The following PRDM1 variants were observed in gnomAD, a reference collection of about 807,000 sequenced individuals.
PRDM1 encodes the protein PR domain zinc finger protein 1.
In PRDM1, 13 loss-of-function variants were observed where a neutral mutation model predicts 62.8. That is an observed-to-expected ratio of 0.21 (90% CI 0.13 to 0.33). The LOEUF is 0.33. PRDM1 is among the 10% of genes least tolerant of loss of function. PRDM1 has a pLI of 1.00. For missense variants in PRDM1, 895 were observed against 1,058.8 expected, an observed-to-expected ratio of 0.85 and a Z score of 2.15; for synonymous variants, 396 against 417.6, an observed-to-expected ratio of 0.95 and a Z score of 0.63.
intron 1 of PRDM1, among the ~76,000 whole-genome samples, chr6:106,029,301 A>T (rs75791562): frequency 1.3e-5 from 2 of 152,334 alleles, no homozygotes; most frequent in African/African-American, 2.4e-5. Flanking sequence ...ATTTATATGT[A>T]TGGTGATGTA....
chr6:106,007,490 G>C (rs967107755), intron 1 of PRDM1, among the ~76,000 whole-genome samples: 1 of 152,182 alleles, frequency 6.6e-6, no homozygotes, highest in African/African-American at 2.4e-5. Flanking sequence ...AATACTATTT[G>C]AGCAGACCAT....
rs567506949 is a variant in PRDM1 at position 106,027,661 on chromosome 6, A to C, written c.-67+34022A>C. Among the ~76,000 whole-genome samples the C allele has an allele frequency of 2.6e-5, 4 of 152,292 alleles. No individual in the cohort carries two copies. The East Asian group carries it at 7.7e-4, about 29-fold the overall frequency. On this transcript the variant is annotated intron_variant, in intron 1 of 6. Transcript: ENST00000652320. ...CGGGGGAGAGAATGAGAGTGGATCA[A>C]TGTAGGGTTTTATCTTAAAAGTACC...
intron 3 of PRDM1, chr6:106,098,542 CA>C (rs1774176034): frequency 2.4e-6 from 3 of 1,271,696 alleles, no homozygotes; most frequent in Admixed American, 4.9e-5. Context: ...AGCCTCCTCC[CA>C]GATAAGGGGT....
At chr6:106,047,401 C>G (rs1005937082), upstream of PRDM1, among the ~76,000 whole-genome samples, 3 of 152,168 alleles carry the variant, frequency 2.0e-5, no homozygotes, top group African/African-American at 7.2e-5. Context: ...TGGGGTAGGT[C>G]TTTGATGGAA....
At chr6:106,046,410 G>T (rs904266348), upstream of PRDM1, 1 of 152,284 alleles carries the variant, frequency 6.6e-6, no homozygotes, top group African/African-American at 2.4e-5. Context: ...TGTGTCTCTA[G>T]TTGTTCTCCC....
chr6:106,020,638 G>A (rs966957221), intron 1 of PRDM1, among the ~76,000 whole-genome samples: 1 of 152,112 alleles, frequency 6.6e-6, no homozygotes, highest in African/African-American at 2.4e-5. Flanking sequence ...AGTGTTCTTT[G>A]TATTCTATTA....
chr6:106,026,032 C>T (rs1307360760), intron 1 of PRDM1, among the ~76,000 whole-genome samples: 2 of 152,142 alleles, frequency 1.3e-5, no homozygotes, highest in Non-Finnish European at 2.9e-5. Flanking sequence ...ACTGTATTAA[C>T]AGAGGTACTT....
chr6:106,062,436 A>G (rs554727962), intron 1 of PRDM1, among the ~76,000 whole-genome samples: 1 of 152,350 alleles, frequency 6.6e-6, no homozygotes, highest in Non-Finnish European at 1.5e-5. Flanking sequence ...TTTATACAGA[A>G]TAATTTGAGA....
chr6:106,100,109 T>C (rs1473172134), intron 4 of PRDM1: 2 of 152,656 alleles, frequency 1.3e-5, no homozygotes, highest in African/African-American at 4.8e-5. Flanking sequence ...TTGATCAGTA[T>C]TATAGTAGCC....
Position 106,104,818 on chromosome 6 carries a change from A to T in PRDM1, c.665-7A>T, listed in dbSNP as rs778526182. ...TCTGTGTAATCGCCCCTTTTTCTTT[A>T]TTTCAGCACAAACACAGAGCAGTCT... On this transcript the variant is annotated splice_region_variant and splice_polypyrimidine_tract_variant and intron_variant, in intron 4 of 6. Transcript: ENST00000369096. 1.9e-6 allele frequency: 3 copies of T among 1,598,888 alleles called. No individual in the cohort carries two copies. The highest frequency in any genetic ancestry group is 1.4e-5 in the African/African-American group (1 of 73,506).
intron 1 of PRDM1, among the ~76,000 whole-genome samples, chr6:106,031,783 A>G (rs2114567762): frequency 6.6e-6 from 1 of 152,318 alleles, no homozygotes; most frequent in East Asian, 1.9e-4. Context: ...CAACTTTGAA[A>G]TTAAGACCTG....
intron 1 of PRDM1, among the ~76,000 whole-genome samples, chr6:106,041,698 A>G (rs751179212): frequency 1.3e-5 from 2 of 152,200 alleles, no homozygotes; most frequent in Admixed American, 1.3e-4. Context: ...TGACCGTATA[A>G]TAATTTTTTA....
chr6:106,018,663 A>T (rs970126914), intron 1 of PRDM1, among the ~76,000 whole-genome samples: 1 of 151,036 alleles, frequency 6.6e-6, no homozygotes, highest in African/African-American at 2.4e-5. Context: ...CTTTTTTTTT[A>T]AATATGATTA....
chr6:106,064,730 C>A (rs1392077458), intron 1 of PRDM1, among the ~76,000 whole-genome samples: 2 of 152,126 alleles, frequency 1.3e-5, no homozygotes, highest in East Asian at 3.9e-4. Context: ...AAAGTCCTTA[C>A]AGATGCTGAA....
rs1483278816 is a variant in PRDM1, at chr6:105,994,214, G to A, written c.-67+575G>A. 6.6e-6 allele frequency among the ~76,000 whole-genome samples: 1 copy of A among 152,146 alleles called. No individual in the cohort carries two copies. The highest frequency in any genetic ancestry group is 1.5e-5 in the Non-Finnish European group (1 of 68,020). On this transcript the variant is annotated intron_variant, in intron 1 of 6. Transcript: ENST00000652320. This position sits in a 1 kb window ranked among gnomAD's most constrained non-coding sequence, Gnocchi z 4.1. Reference sequence around the variant, plus strand: ...CTACTGAGCGGTCGCCGAAGACGCCGGGAGGCGAGGGGCGAGGTAAGACGC... The same window carrying A: ...CTACTGAGCGGTCGCCGAAGACGCCAGGAGGCGAGGGGCGAGGTAAGACGC...
At position 106,092,131 on chromosome 6, in the gene PRDM1, A is replaced by AAG. The variant is rs1554203656; in HGVS notation, c.292-3483_292-3482insGA. Among the ~76,000 whole-genome samples the AAG allele has an allele frequency of 6.1e-5, 7 of 113,834 alleles. No homozygotes were observed. In the South Asian group the frequency reaches 1.8e-3, roughly 30 times the overall value. 74.7% of individuals were successfully genotyped at this position (113,834 alleles called of 152,430 possible). On this transcript the variant is annotated intron_variant, in intron 2 of 6. Coordinates refer to ENST00000369096, the MANE Select transcript of PRDM1 (RefSeq NM_001198.4). ...GCATACTCTCTAAAGAAGGAATTTG[A>AAG]AAAAAAAAAAAAAAAACAAACCTAT... is the stretch of plus-strand genomic sequence containing the variant.
intron 4 of PRDM1, among the ~76,000 whole-genome samples, chr6:106,101,837 A>C (rs941356530): frequency 7.2e-5 from 11 of 152,248 alleles, no homozygotes; most frequent in Non-Finnish European, 1.5e-4. Context: ...AGAAGAAGGG[A>C]TTTGAAACAA....
At chr6:106,005,539 A>G (rs1254091431) in intron 1 of PRDM1, among the ~76,000 whole-genome samples, 1 of 152,244 alleles carries the variant, frequency 6.6e-6, no homozygotes, top group Non-Finnish European at 1.5e-5. Flanking sequence ...TAAAATGAAT[A>G]TGGAAAACCT....
chr6:105,995,313 A>T (rs959717839), intron 1 of PRDM1, among the ~76,000 whole-genome samples: 1 of 152,198 alleles, frequency 6.6e-6, no homozygotes, highest in Non-Finnish European at 1.5e-5. Context: ...GGACGTTCTC[A>T]TAAGGCTTTT....
Sources: gnomAD v4.1 joint callset for allele counts (sites outside exome capture counted in the v4.1 genomes callset) on GRCh38, gnomAD v4.1.1 for gene constraint, Gnocchi (gnomAD v3.1) non-coding constraint, MANE v1.5 for transcripts, NCBI Gene and HGNC (gene_info 2026-07-23, HGNC 2026-07-21) for gene names.